Variants in SIX4 observed in about 807,000 individuals in gnomAD.
SIX4 encodes homeobox protein SIX4.
In SIX4, 23 loss-of-function variants were observed where a neutral mutation model predicts 51.5. That is an observed-to-expected ratio of 0.45 (90% CI 0.32 to 0.63). The LOEUF is 0.63. SIX4 is among the 30% of genes least tolerant of loss of function. SIX4 has a pLI of 0.04. For synonymous variants in SIX4, 413 were observed against 417.3 expected (o/e 0.99, Z 0.13); for missense variants, 867 against 984.0 (o/e 0.88, Z 1.59).
chr14:60,721,650 C>A (rs1044710099), intron 1 of SIX4, among the ~76,000 whole-genome samples: 2 of 150,166 alleles, frequency 1.3e-5, no homozygotes, highest in South Asian at 2.1e-4. Context: ...GCGGGGGGGA[C>A]GAAGAAGCCA....
chr14:60,716,934 G>C (rs1055293329), intron 2 of SIX4, among the ~76,000 whole-genome samples: 1 of 152,084 alleles, frequency 6.6e-6, no homozygotes, highest in Non-Finnish European at 1.5e-5. Context: ...AGAAATACCA[G>C]TGTTAAGAAA....
At chr14:60,716,708 G>C (rs560119736) in intron 2 of SIX4, among the ~76,000 whole-genome samples, 42 of 152,284 alleles carry the variant, frequency 2.8e-4, no homozygotes, top group African/African-American at 1.0e-3. Flanking sequence ...TTTTTTGAGA[G>C]AGCAGCCCAA....
rs1895999025 is a variant in SIX4, at chr14:60,720,311, A to G, written c.998T>C (p.Met333Thr). 4 of 1,614,236 alleles carry G rather than the reference A, an allele frequency of 2.5e-6. No individual in the cohort carries two copies. Among genetic ancestry groups the G allele is most frequent in the East Asian group, 2.2e-5 (1 of 44,886 alleles). Reference sequence around the variant, plus strand: ...TATCTTAGCATTTCCAATTTGTTGCATATATACTGGCTCCATATGACTGGA... The same window carrying G: ...TATCTTAGCATTTCCAATTTGTTGCGTATATACTGGCTCCATATGACTGGA... ...SLSSHMEPVY[M>T]QQIGNAKISL... The change falls in exon 2 of 3, where the codon ATG becomes ACG. Residue 333 changes from methionine (M) to threonine (T), a missense_variant. Met to Thr is a moderately conservative substitution (Grantham distance 81). Transcript: ENST00000216513. The surrounding 1 kb of genome is among the most constrained non-coding windows in gnomAD (Gnocchi z 5.5).
Position 60,723,703 on chromosome 14 carries a change from G to A in SIX4, c.372C>T (p.Gly124=). ...ACVCEALQQG[G]NLDRLARFLW... ...GGAACCGGGCCAGGCGGTCCAGGTT[G>A]CCCCCCTGCTGCAGTGCCTCGCACA... The change falls in exon 1 of 3, where the codon GGC becomes GGT. Residue 124 remains glycine, a synonymous_variant. Coordinates refer to ENST00000216513, the MANE Select transcript of SIX4 (RefSeq NM_017420.5). 1 of 1,559,398 alleles carries A rather than the reference G, an allele frequency of 6.4e-7. No homozygotes were observed. Among genetic ancestry groups the A allele is most frequent in the South Asian group, 1.2e-5 (1 of 85,090 alleles).
intron 2 of SIX4, among the ~76,000 whole-genome samples, chr14:60,716,672 C>A (rs150333085): frequency 1.4e-3 from 218 of 152,254 alleles, no homozygotes; most frequent in Non-Finnish European, 2.6e-3. Flanking sequence ...ACAGGCGTGA[C>A]ACCACATCTG....
Position 60,723,380 on chromosome 14 carries a change from T to G in SIX4, c.695A>C (p.Glu232Ala). ...CTCCTTGAGCGCGTTGCGCGACTTCTCCTTGAAACAATACACCGTCTCCTC... is the reference window on the plus strand; with the variant it reads ...CTCCTTGAGCGCGTTGCGCGACTTCGCCTTGAAACAATACACCGTCTCCTC... ...DGEETVYCFKEKSRNALKELY... is the reference protein window; with the variant it reads ...DGEETVYCFKAKSRNALKELY... The change falls in exon 1 of 3, where the codon GAG becomes GCG. Residue 232 changes from glutamate (E) to alanine (A), a missense_variant. Physicochemically the swap from Glu to Ala is moderately radical, Grantham distance 107. Transcript: ENST00000216513. 1.2e-6 allele frequency: 2 copies of G among 1,612,002 alleles called. No homozygotes were observed. The highest frequency in any genetic ancestry group is 1.7e-6 in the Non-Finnish European group (2 of 1,179,936).
In SIX4 at chr14:60,714,045, C is replaced by T; in HGVS notation, c.1708G>A (p.Glu570Lys). Residue 570 changes from glutamate to lysine, a missense_variant, in exon 3 of 3, where the codon GAA (glutamate) becomes AAA (lysine). Physicochemically the swap from Glu to Lys is moderately conservative, Grantham distance 56. Coordinates refer to ENST00000216513, the MANE Select transcript of SIX4 (RefSeq NM_017420.5). ...AATACCAGGCTCCTTTCCAAGCCTT[C>T]CTGTTTCACAGATCCTATAGTCTGG... ...TGQTIGSVKQ[E>K]GLERSLVFSQ... 1.9e-6 allele frequency: 3 copies of T among 1,614,118 alleles called. No individual in the cohort carries two copies. Among genetic ancestry groups the T allele is most frequent in the Non-Finnish European group, 2.5e-6 (3 of 1,180,028 alleles).
chr14:60,723,281 G>T lies in SIX4; in HGVS notation c.794C>A (p.Thr265Asn). 6.2e-7 allele frequency: 1 copy of T among 1,613,560 alleles called. No individual in the cohort carries two copies. Among genetic ancestry groups the T allele is most frequent in the Non-Finnish European group, 8.5e-7 (1 of 1,179,976 alleles). ...HLAKITGLSL[T>N]QVSNWFKNRR... is the part of the protein sequence containing the mutation. ...GTTCTTGAACCAGTTGCTGACCTGGGTGAGGGAGAGGCCGGTGATCTTGGC... is the reference window on the plus strand; with the variant it reads ...GTTCTTGAACCAGTTGCTGACCTGGTTGAGGGAGAGGCCGGTGATCTTGGC... Residue 265 changes from threonine (T) to asparagine (N), a missense_variant, in exon 1 of 3, where the codon ACC becomes AAC. Physicochemically the swap from Thr to Asn is moderately conservative, Grantham distance 65. Transcript: ENST00000216513.
At position 60,724,044 on chromosome 14, in the gene SIX4, C is replaced by G. The variant is rs1231210646; in HGVS notation, c.31G>C (p.Ala11Pro). 6.5e-7 allele frequency: 1 copy of G among 1,532,554 alleles called. No homozygotes were observed. Among genetic ancestry groups the G allele is most frequent in the South Asian group, 1.3e-5 (1 of 78,450 alleles). 94.9% of individuals were successfully genotyped at this position (1,532,554 alleles called of 1,614,324 possible). ...TCTTGCTTGATGTCCGCCGCACTTGCGATCTGCCCGGTGGGGGAGGAAGAG... is the reference window on the plus strand; with the variant it reads ...TCTTGCTTGATGTCCGCCGCACTTGGGATCTGCCCGGTGGGGGAGGAAGAG... MSSSSPTGQI[A>P]SAADIKQENG... is the part of the protein sequence containing the mutation. The change falls in exon 1 of 3, where the codon GCA becomes CCA. Residue 11 changes from alanine to proline, a missense_variant. Ala to Pro is a conservative substitution (Grantham distance 27). Transcript: ENST00000216513.
intron 2 of SIX4, among the ~76,000 whole-genome samples, chr14:60,715,914 C>T (rs926554752): frequency 1.3e-5 from 2 of 151,798 alleles, no homozygotes; most frequent in African/African-American, 2.4e-5. Flanking sequence ...GCTCTGTTGC[C>T]CAGGCTGGAG....
Position 60,719,833 on chromosome 14 carries a change from G to C in SIX4, c.1476C>G (p.Asn492Lys). The change falls in exon 2 of 3, where the codon AAC becomes AAG. Residue 492 changes from asparagine (N) to lysine (K), a missense_variant. By Grantham distance (94) the Asn-to-Lys change is moderately conservative (BLOSUM62 0). Coordinates refer to ENST00000216513, the MANE Select transcript of SIX4 (RefSeq NM_017420.5). The surrounding 1 kb of genome is among the most constrained non-coding windows in gnomAD (Gnocchi z 4.9). ...CAATGCTCCCATTAAGGAACTGGCT[G>C]TTTGCTCCGGAATTGGGGATCTGGA... ...GIVQIPNSGANSQFLNGSIGF... is the reference protein window; with the variant it reads ...GIVQIPNSGAKSQFLNGSIGF... 1 of 1,614,222 alleles carries C rather than the reference G, an allele frequency of 6.2e-7. No individual in the cohort carries two copies. The highest frequency in any genetic ancestry group is 8.5e-7 in the Non-Finnish European group (1 of 1,180,034).
chr14:60,723,369 T>A lies in SIX4; in HGVS notation c.706A>T (p.Asn236Tyr). The change falls in exon 1 of 3, where the codon AAC (asparagine) becomes TAC (tyrosine). Residue 236 changes from asparagine (N) to tyrosine (Y), a missense_variant. By Grantham distance (143) the Asn-to-Tyr change is moderately radical (BLOSUM62 -2). Transcript: ENST00000216513. ...TVYCFKEKSR[N>Y]ALKELYKQNR... ...TGCTTGTAGAGCTCCTTGAGCGCGT[T>A]GCGCGACTTCTCCTTGAAACAATAC... 6.2e-7 allele frequency: 1 copy of A among 1,612,196 alleles called. No individual in the cohort carries two copies. The highest frequency in any genetic ancestry group is 8.5e-7 in the Non-Finnish European group (1 of 1,179,978).
At position 60,720,328 on chromosome 14, in the gene SIX4, A is replaced by G. The variant is rs770326188; in HGVS notation, c.981T>C (p.His327=). The change falls in exon 2 of 3, where the codon CAT becomes CAC. Residue 327 remains histidine, a synonymous_variant. Coordinates refer to ENST00000216513, the MANE Select transcript of SIX4 (RefSeq NM_017420.5). This position sits in a 1 kb window ranked among gnomAD's most constrained non-coding sequence, Gnocchi z 5.5. The part of the protein sequence containing the change: ...DGITNLSLSS[H]MEPVYMQQIG... ...TTTGTTGCATATATACTGGCTCCAT[A>G]TGACTGGAAAGGCTGAGGTTGGTGA... 13 of 1,614,082 alleles carry G rather than the reference A, an allele frequency of 8.1e-6. No homozygotes were observed. Among genetic ancestry groups the G allele is most frequent in the Non-Finnish European group, 1.1e-5 (13 of 1,180,046 alleles).
chr14:60,722,155 C>T lies in SIX4; in HGVS notation c.863+1057G>A, dbSNP rs1896033340. Among the ~76,000 whole-genome samples, 1 of 152,300 alleles carries T rather than the reference C, an allele frequency of 6.6e-6. No individual in the cohort carries two copies. The highest frequency in any genetic ancestry group is 1.9e-4 in the East Asian group (1 of 5,172). ...TTGGATTCTTTCTCTCCTATCCCCG[C>T]GGGGCTGGAGACACCAGGTCTTTAG... On this transcript the variant is annotated intron_variant, in intron 1 of 2. Coordinates refer to ENST00000216513, the MANE Select transcript of SIX4 (RefSeq NM_017420.5). This position sits in a 1 kb window ranked among gnomAD's most constrained non-coding sequence, Gnocchi z 5.9.
In SIX4 at chr14:60,717,746, G is replaced by A. The variant is rs531882902; in HGVS notation, c.1549+2014C>T. Among the ~76,000 whole-genome samples, 29 of 152,106 alleles carry A rather than the reference G, an allele frequency of 1.9e-4. No homozygotes were observed. In the South Asian group the frequency reaches 5.2e-3, roughly 27 times the overall value. ...TGATAAGAAAAAAATCAGGCCAGGC[G>A]CTGTGGCTCATGCCTGTAATCCCAG... On this transcript the variant is annotated intron_variant, in intron 2 of 2. Coordinates refer to ENST00000216513, the MANE Select transcript of SIX4 (RefSeq NM_017420.5). This position sits in a 1 kb window ranked among gnomAD's most constrained non-coding sequence, Gnocchi z 4.6.
rs1304906326 is a variant in SIX4 at position 60,720,264 on chromosome 14, G to T, written c.1045C>A (p.Leu349Met). ...GCAGGTACCAAGCTTCCATTCAACA[G>T]AACTCCAGAAGAGCTTAATGATATC... ...AKISLSSSGVLLNGSLVPAST... is the reference protein window; with the variant it reads ...AKISLSSSGVMLNGSLVPAST... Residue 349 changes from leucine to methionine, a missense_variant, in exon 2 of 3, where the codon CTG becomes ATG. Physicochemically the swap from Leu to Met is conservative, Grantham distance 15 (BLOSUM62 2). Transcript: ENST00000216513. The surrounding 1 kb of genome is among the most constrained non-coding windows in gnomAD (Gnocchi z 5.5). 2 of 1,614,220 alleles carry T rather than the reference G, an allele frequency of 1.2e-6. No homozygotes were observed. The highest frequency in any genetic ancestry group is 1.7e-6 in the Non-Finnish European group (2 of 1,180,044).
At position 60,713,390 on chromosome 14, in the gene SIX4, T is replaced by A; in HGVS notation, c.*17A>T. Reference sequence around the variant, plus strand: ...ATTTGCCGCTGATGCCAAAAAGAGGTGAGGAGGAAATAAAGTTCATAAGTC... The same window carrying A: ...ATTTGCCGCTGATGCCAAAAAGAGGAGAGGAGGAAATAAAGTTCATAAGTC... On this transcript the variant is annotated 3_prime_UTR_variant, in exon 3 of 3. Transcript: ENST00000216513. The A allele has an allele frequency of 6.4e-7, 1 of 1,559,076 alleles. No homozygotes were observed. The highest frequency in any genetic ancestry group is 8.7e-7 in the Non-Finnish European group (1 of 1,154,838).
chr14:60,717,986 T>C lies in SIX4; in HGVS notation c.1549+1774A>G. ...GAGATCGCGCCACTGTACTCCAGCC[T>C]GGGTGACAAAATGAGTCTCCGCCTA... On this transcript the variant is annotated intron_variant, in intron 2 of 2. Coordinates refer to ENST00000216513, the MANE Select transcript of SIX4 (RefSeq NM_017420.5). This position sits in a 1 kb window ranked among gnomAD's most constrained non-coding sequence, Gnocchi z 4.6. The C allele has an allele frequency of 4.3e-6, 1 of 234,496 alleles. No homozygotes were observed. Among genetic ancestry groups the C allele is most frequent in the Non-Finnish European group, 8.4e-6 (1 of 118,492 alleles). 14.5% of individuals were successfully genotyped at this position (234,496 alleles called of 1,614,324 possible).
intron 1 of SIX4, among the ~76,000 whole-genome samples, chr14:60,721,493 C>T (rs1316842592): frequency 6.6e-6 from 1 of 152,200 alleles, no homozygotes; most frequent in Non-Finnish European, 1.5e-5. Context: ...GCGCAGAAAG[C>T]GCTTTGATTT....
Sources: gnomAD v4.1 joint callset for allele counts (sites outside exome capture counted in the v4.1 genomes callset) on GRCh38, gnomAD v4.1.1 for gene constraint, Gnocchi (gnomAD v3.1) non-coding constraint, MANE v1.5 for transcripts, NCBI Gene and HGNC (gene_info 2026-07-23, HGNC 2026-07-21) for gene names.